The following SCUBE1 variants were observed in gnomAD, a reference collection of about 807,000 sequenced individuals.
SCUBE1 encodes signal peptide, CUB domain and EGF like domain containing 1, also known as signal peptide, CUB and EGF-like domain-containing protein 1.
In SCUBE1, 59 loss-of-function variants were observed where a neutral mutation model predicts 124.4. The ratio of observed to expected loss-of-function variants is 0.47; its 90% CI spans 0.38 to 0.59. The LOEUF is 0.59. Ranked by LOEUF, SCUBE1 falls within the 20% of genes least tolerant of loss-of-function variation. The pLI, the probability that SCUBE1 is intolerant of heterozygous loss-of-function variation, is 0.00. For synonymous variants in SCUBE1, 545 were observed against 550.9 expected (o/e 0.99, Z 0.15); for missense variants, 1,150 against 1,371.2 (o/e 0.84, Z 2.55).
intron 3 of SCUBE1, among the ~76,000 whole-genome samples, chr22:43,299,920 T>C (rs1304437383): frequency 1.3e-5 from 2 of 152,332 alleles, no homozygotes; most frequent in Non-Finnish European, 1.5e-5. Context: ...CTTAGCATGT[T>C]TTCAAGCTGC....
At chr22:43,301,856 C>T (rs1006934658) in intron 3 of SCUBE1, among the ~76,000 whole-genome samples, 11 of 152,208 alleles carry the variant, frequency 7.2e-5, no homozygotes, top group African/African-American at 2.4e-4. Context: ...TGGGGAACGG[C>T]GCTTCTGGCC....
intron 4 of SCUBE1, among the ~76,000 whole-genome samples, chr22:43,273,224 T>C (rs1924359981): frequency 6.6e-6 from 1 of 152,204 alleles, no homozygotes; most frequent in Non-Finnish European, 1.5e-5. Flanking sequence ...CAGACAGAGC[T>C]GGGACTGTGA....
intron 7 of SCUBE1, chr22:43,238,458 G>A (rs1601819875): frequency 1.3e-5 from 7 of 541,134 alleles, no homozygotes; most frequent in East Asian, 1.2e-4. Flanking sequence ...CAAGGGGTTC[G>A]GAAACGCGCT....
At chr22:43,217,457 TC>T (rs1403916579) in intron 15 of SCUBE1, among the ~76,000 whole-genome samples, 1 of 151,836 alleles carries the variant, frequency 6.6e-6, no homozygotes, top group African/African-American at 2.4e-5. Flanking sequence ...GTCCTTGAAG[TC>T]TGTCTCTCCC....
intron 3 of SCUBE1, among the ~76,000 whole-genome samples, chr22:43,306,143 G>C (rs1925961529): frequency 6.6e-6 from 1 of 152,180 alleles, no homozygotes; most frequent in South Asian, 2.1e-4. Flanking sequence ...GTGCTCCAAG[G>C]TAAGCGAGAC....
At chr22:43,214,047 G>GGCCCCC in intron 16 of SCUBE1, 43 bp downstream of exon 16, 1 of 143,440 alleles carries the variant, frequency 7.0e-6, no homozygotes, top group Non-Finnish European at 1.3e-5. Context: ...AGGAGCCCCC[G>GGCCCCC]CCCACCCCCC....
chr22:43,310,681 G>A (rs888303709), intron 3 of SCUBE1, among the ~76,000 whole-genome samples: 2 of 152,232 alleles, frequency 1.3e-5, no homozygotes, highest in African/African-American at 4.8e-5. Flanking sequence ...ATGTGAGGTA[G>A]TTTTTTAAAA....
rs1018077344 is a variant in SCUBE1, at chr22:43,302,854, G to A, written c.350-11674C>T. On this transcript the variant is annotated intron_variant, in intron 3 of 21. Transcript: ENST00000360835. ...AGCTGTAAGGAAAGAAGGAGGAAAC[G>A]CTCCCACGGGACGCTTAATGAAGCG... Among the ~76,000 whole-genome samples, 5 of 152,234 alleles carry A rather than the reference G, an allele frequency of 3.3e-5. No individual in the cohort carries two copies. In the East Asian group the frequency reaches 5.8e-4, roughly 18 times the overall value.
chr22:43,229,219 G>T (rs34045808), intron 8 of SCUBE1, 31 bp from the exon 9 acceptor site: 282,887 of 1,251,340 alleles, frequency 0.23, 38,008 homozygotes, highest in Admixed American at 0.29. Flanking sequence ...AAAGTTGGGG[G>T]AGGAGTTTGA....
intron 6 of SCUBE1, among the ~76,000 whole-genome samples, chr22:43,256,375 G>A (rs1424421486): frequency 6.6e-6 from 1 of 152,234 alleles, no homozygotes; most frequent in Non-Finnish European, 1.5e-5. Flanking sequence ...GGTGAGGTTA[G>A]CTGGGTTGAC....
rs1031794427 is a variant in SCUBE1 at position 43,234,147 on chromosome 22, T to C, written c.845-2272A>G. On this transcript the variant is annotated intron_variant, in intron 7 of 21. Transcript: ENST00000360835. The surrounding 1 kb of genome is among the most constrained non-coding windows in gnomAD (Gnocchi z 4.4). ...GAGGCTTAGGAATCTCTATCATTCCTTCCCCCCGAGCCCCGGGATTATAGG... is the reference window on the plus strand; with the variant it reads ...GAGGCTTAGGAATCTCTATCATTCCCTCCCCCCGAGCCCCGGGATTATAGG... Among the ~76,000 whole-genome samples the C allele has an allele frequency of 3.3e-5, 5 of 151,970 alleles. No homozygotes were observed. The highest frequency in any genetic ancestry group is 1.2e-4 in the African/African-American group (5 of 41,382).
intron 2 of SCUBE1, among the ~76,000 whole-genome samples, chr22:43,328,303 G>A (rs1186795045): frequency 6.6e-6 from 1 of 152,110 alleles, no homozygotes; most frequent in Non-Finnish European, 1.5e-5. Context: ...GAGACCACAG[G>A]GAACCTGCCA....
chr22:43,326,798 C>G (rs962004625), intron 2 of SCUBE1, among the ~76,000 whole-genome samples: 1 of 152,102 alleles, frequency 6.6e-6, no homozygotes, highest in Admixed American at 6.5e-5. Flanking sequence ...CTTCAGACCT[C>G]CACACTTTGA....
At chr22:43,221,612 G>C (rs2146668641) in intron 12 of SCUBE1, among the ~76,000 whole-genome samples, 1 of 152,320 alleles carries the variant, frequency 6.6e-6, no homozygotes, top group Non-Finnish European at 1.5e-5. Flanking sequence ...TTAGGAAAGA[G>C]CGTAGAACAG....
At chr22:43,231,388 G>A (rs775715877) in intron 8 of SCUBE1, among the ~76,000 whole-genome samples, 13 of 152,194 alleles carry the variant, frequency 8.5e-5, no homozygotes, top group Non-Finnish European at 1.6e-4. Context: ...GTTTGAGAGC[G>A]CCTGCCTGCA....
chr22:43,327,789 A>G (rs1926775559), intron 2 of SCUBE1, among the ~76,000 whole-genome samples: 1 of 152,188 alleles, frequency 6.6e-6, no homozygotes, highest in Non-Finnish European at 1.5e-5. Context: ...TCTGTCTCAA[A>G]TAAAATAAAA....
At chr22:43,265,597 C>T (rs1924031304) in intron 4 of SCUBE1, among the ~76,000 whole-genome samples, 2 of 152,194 alleles carry the variant, frequency 1.3e-5, no homozygotes, top group South Asian at 4.1e-4. Flanking sequence ...GCACGGGAGC[C>T]CCCACTGGCT....
At chr22:43,306,346 C>A (rs1391880652) in intron 3 of SCUBE1, among the ~76,000 whole-genome samples, 1 of 152,152 alleles carries the variant, frequency 6.6e-6, no homozygotes, top group African/African-American at 2.4e-5. Context: ...GCTCTTGGCA[C>A]AGGGACTGCA....
Position 43,198,953 on chromosome 22 carries a change from G to A in SCUBE1, c.*5044C>T, listed in dbSNP as rs564508744. 6 of 365,442 alleles carry A rather than the reference G, an allele frequency of 1.6e-5. No homozygotes were observed. The highest frequency in any genetic ancestry group is 1.5e-4 in the East Asian group (2 of 13,660). 22.6% of individuals were successfully genotyped at this position (365,442 alleles called of 1,614,324 possible). ...CAGTTTGTCTGTCTGTCTGCTGTCC[G>A]GGGCAGTTTTTCTGTCTGCTGTCCG... On this transcript the variant is annotated 3_prime_UTR_variant, in exon 22 of 22. Transcript: ENST00000360835.
Sources: allele counts gnomAD v4.1 joint callset (sites outside exome capture counted in the v4.1 genomes callset), GRCh38; gene constraint gnomAD v4.1.1; non-coding constraint Gnocchi (gnomAD v3.1); transcripts MANE v1.5; gene names NCBI Gene and HGNC (gene_info 2026-07-23, HGNC 2026-07-21).